Variants in SH3GL2 observed in about 807,000 individuals in gnomAD.
The protein encoded by SH3GL2 is endophilin-A1.
SH3GL2 carries 24 observed loss-of-function variants against 46.0 expected under a neutral mutation model. The ratio of observed to expected loss-of-function variants is 0.52; its 90% CI spans 0.38 to 0.73. The LOEUF is 0.73. SH3GL2 is among the 30% of genes least tolerant of loss of function. The pLI, the probability that SH3GL2 is intolerant of heterozygous loss-of-function variation, is 0.00. For missense variants in SH3GL2, 413 were observed against 424.2 expected, an observed-to-expected ratio of 0.97 and a Z score of 0.23; for synonymous variants, 196 against 147.1, an observed-to-expected ratio of 1.33 and a Z score of -2.40.
At chr9:17,709,324 C>A (rs771759835) in intron 1 of SH3GL2, among the ~76,000 whole-genome samples, 11 of 151,994 alleles carry the variant, frequency 7.2e-5, no homozygotes, top group South Asian at 2.1e-4. Context: ...GTATTAAAGC[C>A]TTTAATCAAG....
chr9:17,628,067 G>T (rs971572317), intron 1 of SH3GL2, among the ~76,000 whole-genome samples: 22 of 152,232 alleles, frequency 1.4e-4, no homozygotes, highest in African/African-American at 4.6e-4. Flanking sequence ...TGCAGTGTAA[G>T]GTACAAAATA....
Position 17,629,102 on chromosome 9 carries a change from T to C in SH3GL2, c.45+49815T>C, listed in dbSNP as rs762643791. 2.6e-5 allele frequency among the ~76,000 whole-genome samples: 4 copies of C among 151,994 alleles called. No homozygotes were observed. In the South Asian group the frequency reaches 8.3e-4, roughly 32 times the overall value. On this transcript the variant is annotated intron_variant, in intron 1 of 8. Transcript: ENST00000380607. ...GATGTTGACCTTTATAGTAGGAGGA[T>C]TGCGTGGAGTTTGGTTGGCTGGGAG... is the stretch of plus-strand genomic sequence containing the variant.
chr9:17,745,458 G>A (rs764304923), intron 1 of SH3GL2, among the ~76,000 whole-genome samples: 20 of 152,064 alleles, frequency 1.3e-4, no homozygotes, highest in Non-Finnish European at 2.2e-4. Context: ...TAACCGCTCT[G>A]TGTACCTATC....
chr9:17,681,698 C>A (rs186580538), intron 1 of SH3GL2, among the ~76,000 whole-genome samples: 2 of 151,980 alleles, frequency 1.3e-5, no homozygotes, highest in Non-Finnish European at 2.9e-5. Flanking sequence ...TCAAAATTGG[C>A]AAATGGAGGA....
intron 1 of SH3GL2, among the ~76,000 whole-genome samples, chr9:17,621,485 G>C (rs1368372351): frequency 6.6e-6 from 1 of 152,098 alleles, no homozygotes; most frequent in Non-Finnish European, 1.5e-5. Context: ...TGATGACTTT[G>C]TATCCTGTGT....
chr9:17,716,460 G>A (rs1314056915), intron 1 of SH3GL2, among the ~76,000 whole-genome samples: 1 of 152,160 alleles, frequency 6.6e-6, no homozygotes, highest in Admixed American at 6.6e-5. Flanking sequence ...ACTGAGATGA[G>A]ACCTCTGAAT....
rs751792647 is a variant in SH3GL2 at position 17,795,782 on chromosome 9, T to C, written c.*39T>C. The C allele has an allele frequency of 1.2e-5, 18 of 1,522,982 alleles. No homozygotes were observed. The East Asian group carries it at 4.1e-4, about 34-fold the overall frequency. 94.3% of individuals were successfully genotyped at this position (1,522,982 alleles called of 1,614,324 possible). ...CTGGCTCGCCTCCTCTTGACCCAGA[T>C]AGTTACGGTTAACCACTGCTTTGGC... On this transcript the variant is annotated 3_prime_UTR_variant, in exon 9 of 9. Coordinates refer to ENST00000380607, the MANE Select transcript of SH3GL2 (RefSeq NM_003026.5).
At chr9:17,737,441 C>G (rs549308482) in intron 1 of SH3GL2, among the ~76,000 whole-genome samples, 2 of 152,108 alleles carry the variant, frequency 1.3e-5, no homozygotes, top group African/African-American at 4.8e-5. Flanking sequence ...TATCTGATTC[C>G]TAGTGTCCTT....
intron 1 of SH3GL2, among the ~76,000 whole-genome samples, chr9:17,645,443 G>C (rs12350362): frequency 6.6e-6 from 1 of 152,104 alleles, no homozygotes; most frequent in African/African-American, 2.4e-5. Context: ...TTGCCCATTA[G>C]TGGATGAAGT....
intron 1 of SH3GL2, among the ~76,000 whole-genome samples, chr9:17,629,957 G>A (rs1819381472): frequency 6.6e-6 from 1 of 152,134 alleles, no homozygotes; most frequent in Non-Finnish European, 1.5e-5. Context: ...GAATCACATG[G>A]AGATGCTTGA....
chr9:17,775,693 G>C (rs974862316), intron 3 of SH3GL2, among the ~76,000 whole-genome samples: 1 of 152,134 alleles, frequency 6.6e-6, no homozygotes, highest in Admixed American at 6.6e-5. Context: ...GATGACAAAG[G>C]AATTAGGTCA....
chr9:17,723,652 C>A (rs933288431), intron 1 of SH3GL2, among the ~76,000 whole-genome samples: 2 of 152,078 alleles, frequency 1.3e-5, no homozygotes, highest in African/African-American at 2.4e-5. Flanking sequence ...TTCTTCATGA[C>A]TCTGTCTCAG....
chr9:17,719,340 G>A (rs1331209102), intron 1 of SH3GL2, among the ~76,000 whole-genome samples: 3 of 152,150 alleles, frequency 2.0e-5, no homozygotes, highest in Admixed American at 6.5e-5. Context: ...TTTATAGACT[G>A]TTTCTAGGAA....
intron 1 of SH3GL2, among the ~76,000 whole-genome samples, chr9:17,635,255 G>T (rs1179703074): frequency 6.6e-6 from 1 of 152,140 alleles, no homozygotes; most frequent in Non-Finnish European, 1.5e-5. Context: ...TTCTGTTCCT[G>T]CATTAGTTTG....
chr9:17,653,863 CA>C, intron 1 of SH3GL2: 2 of 981,870 alleles, frequency 2.0e-6, no homozygotes, highest in Non-Finnish European at 2.4e-6. Context: ...GAGACATTAA[CA>C]AGGGGCTGAT....
chr9:17,716,456 A>G (rs975846422), intron 1 of SH3GL2, among the ~76,000 whole-genome samples: 1 of 152,164 alleles, frequency 6.6e-6, no homozygotes, highest in Non-Finnish European at 1.5e-5. Context: ...CGCTACTGAG[A>G]TGAGACCTCT....
chr9:17,630,729 A>G (rs1467547), intron 1 of SH3GL2, among the ~76,000 whole-genome samples: 132,868 of 152,176 alleles, frequency 0.87, 59,618 homozygotes, highest in East Asian at 1. Context: ...TGGAGCTCAA[A>G]TATTTCCTGT....
At chr9:17,599,513 A>G (rs1010547) in intron 1 of SH3GL2, among the ~76,000 whole-genome samples, 117,900 of 152,134 alleles carry the variant, frequency 0.77, 46,754 homozygotes, top group Non-Finnish European at 0.86. Flanking sequence ...GTACTTCTTG[A>G]AATTTATCAC....
At chr9:17,614,136 G>C (rs1818929880) in intron 1 of SH3GL2, among the ~76,000 whole-genome samples, 1 of 151,880 alleles carries the variant, frequency 6.6e-6, no homozygotes, top group South Asian at 2.1e-4. Flanking sequence ...CTTTGGGATG[G>C]AAAGTTCTTT....
Sources: gnomAD v4.1 joint callset for allele counts (sites outside exome capture counted in the v4.1 genomes callset) on GRCh38, gnomAD v4.1.1 for gene constraint, MANE v1.5 for transcripts, NCBI Gene and HGNC (gene_info 2026-07-23, HGNC 2026-07-21) for gene names.